The following OFD1 variants were observed in gnomAD, a reference collection of about 807,000 sequenced individuals.
OFD1 encodes OFD1 centriole and centriolar satellite protein, also known as centriole and centriolar satellite protein OFD1.
Under a neutral mutation model 81.4 loss-of-function variants are expected in OFD1, and 12 were observed. That is an observed-to-expected ratio of 0.15 (90% CI 0.09 to 0.24). The LOEUF (loss-of-function observed/expected upper bound fraction) is 0.24. Among genes scored for constraint, OFD1 ranks in the 10% least tolerant of loss-of-function variants. OFD1 has a pLI of 1.00. For missense variants in OFD1, 685 were observed against 733.9 expected, an observed-to-expected ratio of 0.93 and a Z score of 0.77; for synonymous variants, 256 against 263.7, an observed-to-expected ratio of 0.97 and a Z score of 0.28.
the OFD1 span, chrX:13,720,036 A>C: frequency 1.1e-5 from 9 of 818,438 alleles, no homozygotes; most frequent in Middle Eastern, 3.0e-4. Context: ...CAAATTAAAA[A>C]ATGACTAATG....
At chrX:13,715,155 A>G in the OFD1 span, among the ~76,000 whole-genome samples, 1 of 112,967 alleles carries the variant, frequency 8.9e-6, no homozygotes, top group Non-Finnish European at 1.9e-5. Context: ...AATTCTGTCC[A>G]AATACAGAAC....
intron 5 of OFD1, among the ~76,000 whole-genome samples, chrX:13,741,166 T>C (rs2047085192): frequency 9.0e-6 from 1 of 110,808 alleles, no homozygotes; most frequent in Non-Finnish European, 1.9e-5. Flanking sequence ...TTTTACACAG[T>C]CTCTTTAAAT....
intron 5 of OFD1, among the ~76,000 whole-genome samples, chrX:13,742,855 G>A (rs983020411): frequency 1.8e-5 from 2 of 111,213 alleles, no homozygotes; most frequent in African/African-American, 6.6e-5. Context: ...GAAAGACCCA[G>A]TGTCGAAACC....
Position 13,753,383 on chromosome X carries a change from G to A in OFD1, c.1071G>A (p.Leu357=). ...KNELLKYQLE[L]KDDYIIRTNR... ...TGATTCTCAGGTATCAACTTGAACT[G>A]AAGGATGACTACATCATTAGAACTA... The change falls in exon 11 of 23, where the codon CTG becomes CTA. Residue 357 remains leucine (L), a synonymous_variant. Coordinates refer to ENST00000340096, the MANE Select transcript of OFD1 (RefSeq NM_003611.3). 1 of 1,207,522 alleles carries A rather than the reference G, an allele frequency of 8.3e-7. No individual in the cohort carries two copies. Among genetic ancestry groups the A allele is most frequent in the Admixed American group, 2.2e-5 (1 of 46,009 alleles).
At chrX:13,738,665 A>G (rs1453174648) in intron 3 of OFD1, 181 bp from the exon 4 acceptor site, 2 of 406,044 alleles carry the variant, frequency 4.9e-6, no homozygotes, top group Non-Finnish European at 4.3e-6. Flanking sequence ...TGACCTTGAT[A>G]TGTTTATAGT....
In OFD1 at chrX:13,736,546, G is replaced by A; in HGVS notation, c.180G>A (p.Arg60=). The A allele has an allele frequency of 1.7e-6, 2 of 1,210,217 alleles. No individual in the cohort carries two copies. Among genetic ancestry groups the A allele is most frequent in the Non-Finnish European group, 2.2e-6 (2 of 894,141 alleles). ...HPVLSGELQP[R]SISVEGSSLL... ...TATTGAGTGGAGAACTGCAGCCTCG[G>A]TCCATTTCAGTAGAAGGGAGCTCCC... is the stretch of plus-strand genomic sequence containing the variant. Residue 60 remains arginine, a synonymous_variant, in exon 3 of 23, where the codon CGG becomes CGA. Coordinates refer to ENST00000340096, the MANE Select transcript of OFD1 (RefSeq NM_003611.3).
At chrX:13,757,467 A>G (rs775892082) in intron 13 of OFD1, among the ~76,000 whole-genome samples, 193 bp from the exon 14 acceptor site, 19 of 112,197 alleles carry the variant, frequency 1.7e-4, no homozygotes, top group African/African-American at 5.5e-4. Flanking sequence ...ATTAACATGC[A>G]CTAAATTCTT....
chrX:13,769,857 G>A (rs745457350), downstream of OFD1, among the ~76,000 whole-genome samples: 5 of 111,745 alleles, frequency 4.5e-5, no homozygotes, highest in Non-Finnish European at 9.4e-5. Flanking sequence ...ACCTGCCAGT[G>A]CCTTCCTTGA....
chrX:13,716,651 T>C, the OFD1 span: 1 of 1,211,962 alleles, frequency 8.3e-7, no homozygotes, highest in Non-Finnish European at 1.1e-6. Flanking sequence ...GCATGAGCTA[T>C]GAACTGGTTC....
chrX:13,769,593 C>T (rs968986888), downstream of OFD1, among the ~76,000 whole-genome samples: 19 of 111,260 alleles, frequency 1.7e-4, no homozygotes, highest in Non-Finnish European at 3.2e-4. Flanking sequence ...CTTCTGATGT[C>T]TGTGGTTTGT....
chrX:13,741,808 T>C (rs773547377), intron 5 of OFD1, among the ~76,000 whole-genome samples: 25 of 111,837 alleles, frequency 2.2e-4, no homozygotes, highest in African/African-American at 7.8e-4. Context: ...GGACTCATTG[T>C]CCAGAAGAAG....
chrX:13,756,247 C>G (rs768613416), intron 12 of OFD1, among the ~76,000 whole-genome samples: 1 of 111,726 alleles, frequency 9.0e-6, no homozygotes, highest in East Asian at 2.8e-4. Context: ...AGCCACCATG[C>G]TCAGCCATTT....
chrX:13,749,662 A>G, intron 9 of OFD1, 129 bp downstream of exon 9: 2 of 489,696 alleles, frequency 4.1e-6, no homozygotes, highest in South Asian at 3.0e-5. Context: ...TATCACCTAG[A>G]AGGTACAAAT....
chrX:13,773,076 G>C (rs771347533), downstream of OFD1: 37 of 1,117,342 alleles, frequency 3.3e-5, no homozygotes, highest in Non-Finnish European at 4.2e-5. Flanking sequence ...ATTGTGAGAA[G>C]GCAAAGCGAG....
At position 13,769,269 on chromosome X, in the gene OFD1, G is replaced by GA. The variant is rs1343782947; in HGVS notation, c.*163dup. ...AATTAATTTTGATACCATAGTGTGT[G>GA]AACCAAGAATAATCTAGTCACGTGA... On this transcript the variant is annotated 3_prime_UTR_variant, in exon 23 of 23. Transcript: ENST00000340096. 9 of 486,304 alleles carry GA rather than the reference G, an allele frequency of 1.9e-5. No homozygotes were observed. The highest frequency in any genetic ancestry group is 3.2e-5 in the Admixed American group (1 of 30,832). 40.1% of individuals were successfully genotyped at this position (486,304 alleles called of 1,213,427 possible).
At chrX:13,720,058 A>G in the OFD1 span, 1 of 740,770 alleles carries the variant, frequency 1.3e-6, no homozygotes, top group Non-Finnish European at 1.9e-6. Context: ...GAAGTGTAGA[A>G]TTCTTTTTTA....
chrX:13,724,258 C>A, the OFD1 span, among the ~76,000 whole-genome samples: 3 of 109,912 alleles, frequency 2.7e-5, no homozygotes, highest in African/African-American at 1.0e-4. Context: ...TCTCTGACTA[C>A]CTTAAATTTA....
the OFD1 span, among the ~76,000 whole-genome samples, chrX:13,729,153 A>G: frequency 2.7e-5 from 3 of 111,920 alleles, no homozygotes; most frequent in African/African-American, 6.5e-5. Flanking sequence ...AATCAATATC[A>G]TGAAAATGGC....
chrX:13,759,902 T>A (rs915045881), intron 15 of OFD1, among the ~76,000 whole-genome samples: 4 of 112,202 alleles, frequency 3.6e-5, no homozygotes, highest in African/African-American at 1.3e-4. Context: ...ATTCTGAAAT[T>A]ATATCATGTT....
Sources: gnomAD v4.1 joint callset for allele counts (sites outside exome capture counted in the v4.1 genomes callset) on GRCh38, gnomAD v4.1.1 for gene constraint, MANE v1.5 for transcripts, NCBI Gene and HGNC (gene_info 2026-07-23, HGNC 2026-07-21) for gene names.